Variants in SEMA3A observed in about 807,000 individuals in gnomAD.
The protein encoded by SEMA3A is semaphorin-3A.
Under a neutral mutation model 97.9 loss-of-function variants are expected in SEMA3A, and 29 were observed. That is an observed-to-expected ratio of 0.30 (90% confidence interval 0.22 to 0.40). The LOEUF (loss-of-function observed/expected upper bound fraction) is 0.40, where lower values mean the gene tolerates loss of function less well. Ranked by LOEUF, SEMA3A falls within the 10% of genes least tolerant of loss-of-function variation. SEMA3A has a pLI of 1.00. For missense variants in SEMA3A, 763 were observed against 951.3 expected (o/e 0.80, Z 2.60); for synonymous variants, 321 against 323.7 (o/e 0.99, Z 0.09).
intron 1 of SEMA3A, among the ~76,000 whole-genome samples, chr7:84,372,755 A>G (rs965672271): frequency 1.4e-4 from 21 of 152,138 alleles, no homozygotes; most frequent in Admixed American, 7.2e-4. Context: ...TTAGTTTTTA[A>G]GTTTAGAACC....
chr7:84,014,102 G>A, intron 7 of SEMA3A, 107 bp downstream of exon 7: 1 of 879,236 alleles, frequency 1.1e-6, no homozygotes, highest in Non-Finnish European at 1.8e-6. Context: ...TGTGAGTCAA[G>A]CTTTAGCCAT....
At chr7:84,057,559 G>T (rs956175154) in intron 5 of SEMA3A, among the ~76,000 whole-genome samples, 7 of 152,064 alleles carry the variant, frequency 4.6e-5, no homozygotes, top group Non-Finnish European at 7.3e-5. Flanking sequence ...GAGGTCAGGA[G>T]TTCGAGACCA....
chr7:84,300,521 C>T (rs562580031), intron 3 of SEMA3A, among the ~76,000 whole-genome samples: 2 of 152,144 alleles, frequency 1.3e-5, no homozygotes, highest in South Asian at 4.2e-4. Flanking sequence ...AAATGTTCAA[C>T]AGCAGTACTA....
intron 6 of SEMA3A, among the ~76,000 whole-genome samples, chr7:84,018,911 AAAAC>A (rs369602007): frequency 1.1e-4 from 17 of 152,276 alleles, no homozygotes; most frequent in African/African-American, 3.4e-4. Context: ...AGAGAAAAAC[AAAAC>A]AAACAAAAAC....
intron 3 of SEMA3A, among the ~76,000 whole-genome samples, chr7:84,121,638 C>CT (rs35808952): frequency 7.8e-4 from 10 of 12,872 alleles, no homozygotes; most frequent in Non-Finnish European, 1.1e-3. Context: ...GGTTCCAAGT[C>CT]TTTTTTTTTT....
At chr7:83,999,851 G>A (rs969230313) in intron 12 of SEMA3A, among the ~76,000 whole-genome samples, 22 of 152,102 alleles carry the variant, frequency 1.4e-4, no homozygotes, top group Non-Finnish European at 2.1e-4. Flanking sequence ...CCAAATATAC[G>A]TTGGTAAAGG....
chr7:84,009,254 T>C (rs1357532658), intron 9 of SEMA3A, among the ~76,000 whole-genome samples: 3 of 152,212 alleles, frequency 2.0e-5, no homozygotes, highest in Admixed American at 1.3e-4. Context: ...CACTAAGCAA[T>C]GAGTAAACAG....
At chr7:84,321,819 T>C (rs1202426674) in intron 2 of SEMA3A, among the ~76,000 whole-genome samples, 1 of 126,922 alleles carries the variant, frequency 7.9e-6, no homozygotes, top group African/African-American at 3.1e-5. Flanking sequence ...GGGGTTGCAG[T>C]GAGCCAAGAT....
rs1372627983 is a variant in SEMA3A, at chr7:83,961,233, G to A, written c.*138C>T. The A allele has an allele frequency of 2.1e-5, 15 of 709,482 alleles. No homozygotes were observed. Among genetic ancestry groups the A allele is most frequent in the Non-Finnish European group, 2.9e-5 (12 of 412,496 alleles). The allele number at this position is 709,482 out of a possible 1,614,324, so 43.9% of individuals were successfully genotyped here. A position where few individuals can be genotyped will look rare whatever the true frequency, so the allele number is the denominator to read the frequency against. ...TACTCATGGATTTAATTTATAATTG[G>A]TGGAACTCAGCTGAATTTCCCACCA... is the stretch of plus-strand genomic sequence containing the variant. On this transcript the variant is annotated 3_prime_UTR_variant, in exon 17 of 17. Transcript: ENST00000265362.
At chr7:84,324,712 T>G (rs184907450) in intron 2 of SEMA3A, among the ~76,000 whole-genome samples, 130 of 152,240 alleles carry the variant, frequency 8.5e-4, no homozygotes, top group African/African-American at 2.6e-3. Context: ...AAGCACATGG[T>G]CTTAAAAATC....
chr7:84,230,102 A>C (rs1227021354), intron 3 of SEMA3A, among the ~76,000 whole-genome samples: 3 of 152,010 alleles, frequency 2.0e-5, no homozygotes, highest in Middle Eastern at 3.4e-3. Context: ...TTCTTAACCA[A>C]TTGAAATTCC....
chr7:84,406,070 GA>G (rs1324685728), intron 1 of SEMA3A, among the ~76,000 whole-genome samples: 13 of 152,072 alleles, frequency 8.5e-5, no homozygotes, highest in Non-Finnish European at 1.9e-4. Flanking sequence ...GAAGGAAATA[GA>G]GACACAAAAA....
intron 1 of SEMA3A, among the ~76,000 whole-genome samples, chr7:84,188,633 T>C (rs948065240): frequency 3.3e-5 from 5 of 151,930 alleles, no homozygotes; most frequent in African/African-American, 7.2e-5. Flanking sequence ...ACACATCATA[T>C]AATATGTGAT....
At chr7:84,135,801 T>C (rs1195632822) in intron 1 of SEMA3A, among the ~76,000 whole-genome samples, 1 of 152,164 alleles carries the variant, frequency 6.6e-6, no homozygotes, top group Non-Finnish European at 1.5e-5. Flanking sequence ...TTGGAGCTGA[T>C]ATATAGAGAG....
rs201681543 is a variant in SEMA3A, at chr7:84,203,571, G to A, written c.-82-8903C>T. Among the ~76,000 whole-genome samples, 67 of 103,032 alleles carry A rather than the reference G, an allele frequency of 6.5e-4. No individual in the cohort carries two copies. The East Asian group carries it at 0.017, about 26-fold the overall frequency. 67.6% of individuals were successfully genotyped at this position (103,032 alleles called of 152,430 possible). A position where few individuals can be genotyped will look rare whatever the true frequency, so the allele number is the denominator to read the frequency against. On this transcript the variant is annotated intron_variant, in intron 3 of 3. Coordinates refer to the SEMA3A transcript ENST00000424555. ...TCTGAGATAGAGTTTCACTCTTGTT[G>A]CCCAGGCTGGAGTGCAATGACACAA...
chr7:84,400,118 G>A (rs907653103), intron 1 of SEMA3A, among the ~76,000 whole-genome samples: 6 of 152,142 alleles, frequency 3.9e-5, no homozygotes, highest in Non-Finnish European at 8.8e-5. Flanking sequence ...ACAGGCTAAC[G>A]GAACTCAAAA....
rs565473809 is a variant in SEMA3A, at chr7:84,066,610, A to T, written c.454-6052T>A. On this transcript the variant is annotated intron_variant, in intron 4 of 16. Coordinates refer to ENST00000265362, the MANE Select transcript of SEMA3A (RefSeq NM_006080.3). ...AAATCAATGTACAAAAATCACAAGC[A>T]TTCTTATACATCATCAACAGACAAA... Among the ~76,000 whole-genome samples the T allele has an allele frequency of 4.8e-4, 71 of 149,322 alleles. 1 individual carries two copies. The highest frequency in any genetic ancestry group is 8.7e-4 in the South Asian group (4 of 4,594).
At chr7:84,309,678 A>T (rs982283558) in intron 2 of SEMA3A, among the ~76,000 whole-genome samples, 2 of 152,214 alleles carry the variant, frequency 1.3e-5, no homozygotes. Flanking sequence ...ATAATAGGAT[A>T]GAAGGAATCC....
chr7:84,262,875 G>T (rs1455392047), intron 3 of SEMA3A, among the ~76,000 whole-genome samples: 1 of 152,142 alleles, frequency 6.6e-6, no homozygotes, highest in East Asian at 1.9e-4. Context: ...TATAGCCTCT[G>T]CCAGGCTTTA....
Sources: allele counts gnomAD v4.1 joint callset (sites outside exome capture counted in the v4.1 genomes callset), GRCh38; gene constraint gnomAD v4.1.1; transcripts MANE v1.5; gene names NCBI Gene and HGNC (gene_info 2026-07-23, HGNC 2026-07-21).